DIPK1A: variants seen among roughly 807,000 people sequenced by gnomAD.
The protein encoded by DIPK1A is divergent protein kinase domain 1A.
Under a neutral mutation model 40.8 loss-of-function variants are expected in DIPK1A, and 27 were observed. The ratio of observed to expected loss-of-function variants is 0.66; its 90% confidence interval spans 0.49 to 0.91. The LOEUF is 0.91. Ranked by LOEUF, DIPK1A falls within the 40% of genes least tolerant of loss-of-function variation. The probability of loss-of-function intolerance (pLI) is 0.00; values close to 1 mark genes in which losing one functional copy is unlikely to be tolerated. For missense variants in DIPK1A, 412 were observed against 505.7 expected, an observed-to-expected ratio of 0.81 and a Z score of 1.78; for synonymous variants, 166 against 171.3, an observed-to-expected ratio of 0.97 and a Z score of 0.24.
intron 1 of DIPK1A, among the ~76,000 whole-genome samples, chr1:92,885,369 T>C (rs1432172781): frequency 2.0e-5 from 3 of 152,106 alleles, no homozygotes; most frequent in African/African-American, 7.2e-5. Context: ...AAAGTGACTA[T>C]CTAATTCATT....
intron 2 of DIPK1A, among the ~76,000 whole-genome samples, chr1:92,861,588 A>G (rs1290389556): frequency 1.3e-5 from 2 of 151,908 alleles, no homozygotes; most frequent in African/African-American, 2.4e-5. Context: ...TGGCCTCCCA[A>G]TGTGCTGGGA....
intron 2 of DIPK1A, among the ~76,000 whole-genome samples, chr1:92,860,391 C>T (rs1647205898): frequency 6.6e-6 from 1 of 152,036 alleles, no homozygotes; most frequent in Admixed American, 6.6e-5. Context: ...TTCAGAATTT[C>T]TAGTGGCCTG....
intron 1 of DIPK1A, among the ~76,000 whole-genome samples, chr1:92,906,363 G>C (rs1038804793): frequency 2.0e-5 from 3 of 152,142 alleles, no homozygotes; most frequent in African/African-American, 7.2e-5. Context: ...TTAAGGGCTA[G>C]AAGAGGCCTT....
chr1:92,896,234 T>A (rs375632819), intron 1 of DIPK1A, among the ~76,000 whole-genome samples: 9 of 152,140 alleles, frequency 5.9e-5, no homozygotes, highest in Admixed American at 3.3e-4. Context: ...TGGAGGCATC[T>A]CACTACCTGA....
At chr1:92,852,518 T>A (rs1310773765) in intron 2 of DIPK1A, among the ~76,000 whole-genome samples, 2 of 150,872 alleles carry the variant, frequency 1.3e-5, no homozygotes, top group African/African-American at 2.4e-5. Context: ...AAGAAAAAAA[T>A]TTCTAGAAGA....
chr1:92,855,662 A>G (rs1454485910), intron 2 of DIPK1A, among the ~76,000 whole-genome samples: 1 of 151,658 alleles, frequency 6.6e-6, no homozygotes, highest in African/African-American at 2.4e-5. Context: ...ATGCCATTGT[A>G]CTCCAGCCTG....
chr1:92,835,453 G>C (rs1253782510), intron 4 of DIPK1A, among the ~76,000 whole-genome samples: 1 of 151,176 alleles, frequency 6.6e-6, no homozygotes, highest in Non-Finnish European at 1.5e-5. Context: ...AGGAGTTTGA[G>C]ACTAGCCTGG....
At chr1:92,850,766 G>T (rs1687792987) in intron 3 of DIPK1A, 82 bp downstream of exon 3, 1 of 833,292 alleles carries the variant, frequency 1.2e-6, no homozygotes, top group Non-Finnish European at 1.9e-6. Context: ...TTTGGTTCAA[G>T]AATTCTTTTA....
intron 4 of DIPK1A, chr1:92,833,756 G>A (rs1687009065): frequency 2.1e-6 from 2 of 946,642 alleles, no homozygotes; most frequent in Non-Finnish European, 3.4e-6. Context: ...GGGCTGTCTA[G>A]CACCTCCAAA....
intron 1 of DIPK1A, among the ~76,000 whole-genome samples, chr1:92,882,040 C>T (rs1280597747): frequency 6.6e-6 from 1 of 152,114 alleles, no homozygotes; most frequent in Non-Finnish European, 1.5e-5. Context: ...ATAAATATAG[C>T]TTACATTATA....
rs761323982 is a variant in DIPK1A at position 92,868,874 on chromosome 1, G to T, written c.189+7422C>A. 6.0e-4 allele frequency among the ~76,000 whole-genome samples: 91 copies of T among 150,944 alleles called. 1 individual carries two copies. Among genetic ancestry groups the T allele is most frequent in the Non-Finnish European group, 9.6e-4 (65 of 67,892 alleles). ...CCAGCTGCTTGGGAGGCTGAGGCAGGAGAATTGCTTGAATCTGGGAGGTGG... is the reference window on the plus strand; with the variant it reads ...CCAGCTGCTTGGGAGGCTGAGGCAGTAGAATTGCTTGAATCTGGGAGGTGG... On this transcript the variant is annotated intron_variant, in intron 2 of 4. Transcript: ENST00000370310.
chr1:92,932,097 A>G, intron 1 of DIPK1A: 3 of 374,360 alleles, frequency 8.0e-6, no homozygotes, highest in Non-Finnish European at 1.1e-5. Context: ...ATTAAAATAT[A>G]CCAGGGTGGT....
chr1:92,921,845 T>TA (rs1392990103), intron 1 of DIPK1A, among the ~76,000 whole-genome samples: 1 of 152,154 alleles, frequency 6.6e-6, no homozygotes, highest in East Asian at 1.9e-4. Context: ...AAAGAACAAT[T>TA]ACCTGGAAAG....
intron 1 of DIPK1A, among the ~76,000 whole-genome samples, chr1:92,929,262 A>C (rs1650648760): frequency 1.3e-5 from 2 of 152,198 alleles, no homozygotes; most frequent in Non-Finnish European, 2.9e-5. Context: ...CATTCCTCTG[A>C]AGATGGATCT....
chr1:92,897,750 C>CT (rs143673044), intron 1 of DIPK1A, among the ~76,000 whole-genome samples: 3,303 of 140,282 alleles, frequency 0.024, 89 homozygotes, highest in African/African-American at 0.063. Flanking sequence ...TCAGAAGTTC[C>CT]TTTTTTTTTT....
rs539641094 is a variant in DIPK1A, at chr1:92,937,767, T to C, written c.54+23609A>G. ...CTGGTAAAATGGTGTTCCTTGAGCA[T>C]AAATGTACATTTCAATATTCATGTT... On this transcript the variant is annotated intron_variant, in intron 1 of 4. Transcript: ENST00000370310. Among the ~76,000 whole-genome samples the C allele has an allele frequency of 1.4e-3, 216 of 152,314 alleles. 1 individual carries two copies. The highest frequency in any genetic ancestry group is 9.9e-3 in the South Asian group (48 of 4,826).
intron 1 of DIPK1A, among the ~76,000 whole-genome samples, chr1:92,954,508 G>A (rs974447553): frequency 6.6e-6 from 1 of 151,192 alleles, no homozygotes; most frequent in Non-Finnish European, 1.5e-5. Context: ...CCAAGTAGCT[G>A]GGACTACAGG....
chr1:92,835,096 G>A, intron 4 of DIPK1A: 1 of 810,000 alleles, frequency 1.2e-6, no homozygotes, highest in Non-Finnish European at 2.0e-6. Flanking sequence ...TTTCTGCAAT[G>A]ACACAAATCT....
intron 1 of DIPK1A, among the ~76,000 whole-genome samples, chr1:92,921,948 A>AT (rs1194050246): frequency 1.2e-4 from 19 of 152,082 alleles, no homozygotes; most frequent in African/African-American, 4.6e-4. Flanking sequence ...ACATTTATTT[A>AT]TTTATTTTTT....
Sources: allele counts gnomAD v4.1 joint callset (sites outside exome capture counted in the v4.1 genomes callset), GRCh38; gene constraint gnomAD v4.1.1; transcripts MANE v1.5; gene names NCBI Gene and HGNC (gene_info 2026-07-23, HGNC 2026-07-21).